AIDA: variants seen among roughly 807,000 people sequenced by gnomAD.
AIDA encodes the protein axin interactor, dorsalization-associated protein.
AIDA carries 18 observed loss-of-function variants against 42.7 expected under a neutral mutation model. The observed-to-expected ratio is 0.42, with a 90% CI of 0.29 to 0.63. The LOEUF is 0.63. Ranked by LOEUF, AIDA falls within the 20% of genes least tolerant of loss-of-function variation. The pLI, the probability that AIDA is intolerant of heterozygous loss-of-function variation, is 0.19. For synonymous variants in AIDA, 104 were observed against 122.9 expected (o/e 0.85, Z 1.02); for missense variants, 250 against 354.1 (o/e 0.71, Z 2.36).
chr1:222,686,148 G>A (rs34032254), intron 6 of AIDA, among the ~76,000 whole-genome samples: 82,853 of 151,620 alleles, frequency 0.55, 25,801 homozygotes, highest in Non-Finnish European at 0.7. Flanking sequence ...GTGACAGAAC[G>A]AGACTCTGTC....
chr1:222,711,077 G>C (rs1290122836), intron 1 of AIDA, among the ~76,000 whole-genome samples: 1 of 145,276 alleles, frequency 6.9e-6, no homozygotes, highest in Non-Finnish European at 1.5e-5. Flanking sequence ...AGAAATCGTT[G>C]TGTGTCGGGG....
At chr1:222,705,043 T>G (rs1655802621) in intron 1 of AIDA, among the ~76,000 whole-genome samples, 1 of 152,192 alleles carries the variant, frequency 6.6e-6, no homozygotes, top group Non-Finnish European at 1.5e-5. Context: ...ATAAAGTACC[T>G]TATTCTTGAT....
At chr1:222,670,696 T>C (rs189959810) in intron 8 of AIDA, among the ~76,000 whole-genome samples, 9 of 152,264 alleles carry the variant, frequency 5.9e-5, no homozygotes, top group Admixed American at 5.2e-4. Flanking sequence ...AACTCAAAAA[T>C]TCAATCTTGG....
chr1:222,676,873 TAC>T (rs763158751), intron 6 of AIDA, among the ~76,000 whole-genome samples: 2 of 150,506 alleles, frequency 1.3e-5, no homozygotes, highest in South Asian at 4.2e-4. Flanking sequence ...GGAATAATTT[TAC>T]AGTCTAATTT....
intron 2 of AIDA, among the ~76,000 whole-genome samples, chr1:222,695,434 G>T (rs183120838): frequency 6.6e-6 from 1 of 152,206 alleles, no homozygotes; most frequent in Non-Finnish European, 1.5e-5. Context: ...GGAGGTTGCA[G>T]TGAGCTGAAA....
At chr1:222,703,859 A>C (rs1655775110) in intron 1 of AIDA, among the ~76,000 whole-genome samples, 1 of 152,228 alleles carries the variant, frequency 6.6e-6, no homozygotes. Context: ...CTCAACAATA[A>C]GGACCCAAAG....
chr1:222,709,911 T>C (rs956555922), intron 1 of AIDA, among the ~76,000 whole-genome samples: 5 of 152,220 alleles, frequency 3.3e-5, no homozygotes, highest in Non-Finnish European at 5.9e-5. Context: ...TATTACATTA[T>C]GAGAATACAG....
At chr1:222,688,499 A>T (rs1655260107) in intron 4 of AIDA, among the ~76,000 whole-genome samples, 1 of 152,100 alleles carries the variant, frequency 6.6e-6, no homozygotes, top group African/African-American at 2.4e-5. Flanking sequence ...CCTAGTATAA[A>T]CTGTACTTTT....
chr1:222,695,352 T>TA (rs1351008911), intron 2 of AIDA, among the ~76,000 whole-genome samples: 2 of 152,128 alleles, frequency 1.3e-5, no homozygotes, highest in African/African-American at 4.8e-5. Context: ...ATTAGCCAGG[T>TA]ATGGTTGCAC....
intron 4 of AIDA, among the ~76,000 whole-genome samples, chr1:222,689,508 TATATATATATATAC>T (rs1558211687): frequency 3.0e-5 from 2 of 67,034 alleles, no homozygotes; most frequent in African/African-American, 5.2e-5. Context: ...TATATATATA[TATATATATATATAC>T]ACACATACAC....
chr1:222,670,347 G>T, intron 8 of AIDA, 97 bp from the exon 9 acceptor site: 1 of 950,632 alleles, frequency 1.1e-6, no homozygotes, highest in Non-Finnish European at 1.6e-6. Flanking sequence ...AACAGCTACA[G>T]CTGGCATAAT....
rs1463403414 is a variant in AIDA at position 222,688,788 on chromosome 1, G to A, written c.290-1130C>T. Among the ~76,000 whole-genome samples, 5 of 152,060 alleles carry A rather than the reference G, an allele frequency of 3.3e-5. No individual in the cohort carries two copies. In the East Asian group the frequency reaches 5.8e-4, roughly 18 times the overall value. On this transcript the variant is annotated intron_variant, in intron 4 of 9. Coordinates refer to ENST00000340020, the MANE Select transcript of AIDA (RefSeq NM_022831.4). ...CTAATTTTTGTATTTTTATAGAGACGGAGTTTTGCCATGTTGGCCAGGCTG... is the reference window on the plus strand; with the variant it reads ...CTAATTTTTGTATTTTTATAGAGACAGAGTTTTGCCATGTTGGCCAGGCTG...
chr1:222,676,664 C>CT (rs1293641214), intron 6 of AIDA, among the ~76,000 whole-genome samples: 7 of 150,896 alleles, frequency 4.6e-5, no homozygotes, highest in East Asian at 3.9e-4. Context: ...AAATGCTTTA[C>CT]TTTTTTTTTG....
At chr1:222,681,386 G>A (rs560707237) in intron 6 of AIDA, among the ~76,000 whole-genome samples, 2 of 152,166 alleles carry the variant, frequency 1.3e-5, no homozygotes, top group African/African-American at 4.8e-5. Flanking sequence ...AAAATTGGCC[G>A]GGCATGGTGG....
chr1:222,680,075 C>T (rs892150867), intron 6 of AIDA, among the ~76,000 whole-genome samples: 4 of 152,130 alleles, frequency 2.6e-5, no homozygotes, highest in African/African-American at 4.8e-5. Context: ...CAATAAAATA[C>T]GAGGATAATA....
Position 222,686,977 on chromosome 1 carries a change from C to T in AIDA, c.413G>A (p.Gly138Asp), listed in dbSNP as rs527571573. Reference protein sequence around the residue: ...NLEFEEDEEEGGAGAGSPDSF... With the variant: ...NLEFEEDEEEDGAGAGSPDSF... ...ATCAGGAGACCCTGCTCCAGCACCA[C>T]CCTCTTCTTCATCTTCTTCAAATTC... is the stretch of plus-strand genomic sequence containing the variant. Residue 138 changes from glycine to aspartate, a missense_variant, in exon 6 of 10, where the codon GGT (glycine) becomes GAT (aspartate). This residue lies in a region of AIDA where 199 missense variants were observed against 232.6 expected (regional missense o/e 0.86). Coordinates refer to ENST00000340020, the MANE Select transcript of AIDA (RefSeq NM_022831.4). The T allele has an allele frequency of 1.2e-6, 2 of 1,613,618 alleles. No individual in the cohort carries two copies. The highest frequency in any genetic ancestry group is 1.3e-5 in the African/African-American group (1 of 74,952).
At chr1:222,674,130 G>A (rs1300324187) in intron 7 of AIDA, among the ~76,000 whole-genome samples, 2 of 152,106 alleles carry the variant, frequency 1.3e-5, no homozygotes, top group African/African-American at 2.4e-5. Context: ...CAACTACAGG[G>A]CGTATATTTC....
intron 6 of AIDA, among the ~76,000 whole-genome samples, chr1:222,677,915 A>T (rs1318387314): frequency 1.3e-5 from 2 of 151,912 alleles, no homozygotes; most frequent in Admixed American, 1.3e-4. Flanking sequence ...GTAAGTATTT[A>T]AAAAAAAATT....
rs1005234057 is a variant in AIDA at position 222,695,858 on chromosome 1, T to C, written c.181-1595A>G. 4.6e-5 allele frequency among the ~76,000 whole-genome samples: 7 copies of C among 152,354 alleles called. No homozygotes were observed. The East Asian group carries it at 7.7e-4, about 17-fold the overall frequency. ...AATGTATTGATAACTTGCAAAAGTT[T>C]AGTAAATTGGACTCGGTGGTTTTCT... On this transcript the variant is annotated intron_variant, in intron 2 of 9. Coordinates refer to ENST00000340020, the MANE Select transcript of AIDA (RefSeq NM_022831.4).
Sources: gnomAD v4.1 joint callset for allele counts (sites outside exome capture counted in the v4.1 genomes callset) on GRCh38, gnomAD v4.1.1 for gene constraint, gnomAD v4.1.1 regional missense constraint, MANE v1.5 for transcripts, NCBI Gene and HGNC (gene_info 2026-07-23, HGNC 2026-07-21) for gene names.